Variants in STAT3 observed in about 807,000 individuals in gnomAD.
The protein encoded by STAT3 is signal transducer and activator of transcription 3.
STAT3 carries 7 observed loss-of-function variants against 114.3 expected under a neutral mutation model. The ratio of observed to expected loss-of-function variants is 0.06; its 90% CI spans 0.03 to 0.11. The LOEUF (loss-of-function observed/expected upper bound fraction) is 0.11, where lower values mean the gene tolerates loss of function less well. STAT3 is among the 10% of genes least tolerant of loss of function. The pLI is 1.00. For synonymous variants in STAT3, 331 were observed against 354.5 expected, an observed-to-expected ratio of 0.93 and a Z score of 0.74; for missense variants, 364 against 960.9, an observed-to-expected ratio of 0.38 and a Z score of 8.21.
intron 1 of STAT3, among the ~76,000 whole-genome samples, chr17:42,382,577 T>C (rs573082614): frequency 6.6e-6 from 1 of 152,212 alleles, no homozygotes; most frequent in South Asian, 2.1e-4. Context: ...TATCCTTGGA[T>C]CCTGCCTGAC....
chr17:42,372,924 G>T (rs2084235545), intron 1 of STAT3, among the ~76,000 whole-genome samples: 1 of 152,100 alleles, frequency 6.6e-6, no homozygotes, highest in South Asian at 2.1e-4. Context: ...TATCGAGTTG[G>T]TTCATTAGTT....
intron 1 of STAT3, among the ~76,000 whole-genome samples, chr17:42,384,134 T>TTA (rs1555581293): frequency 1.4e-4 from 15 of 107,530 alleles, no homozygotes; most frequent in East Asian, 4.5e-4. Context: ...ATTTATTTAT[T>TTA]TTTTTTTTTT....
chr17:42,337,137 G>A lies in STAT3; in HGVS notation c.797+298C>T, dbSNP rs892337569. The stretch of plus-strand genomic sequence containing the variant: ...TGGGACTACAGGTGCGCACCACCAC[G>A]CCCGGCTAATTTTTTTATGTTTTTA... On this transcript the variant is annotated intron_variant, in intron 8 of 23. Transcript: ENST00000264657. This position sits in a 1 kb window ranked among gnomAD's most constrained non-coding sequence, Gnocchi z 4.0. 7.9e-5 allele frequency among the ~76,000 whole-genome samples: 12 copies of A among 151,846 alleles called. No individual in the cohort carries two copies. Among genetic ancestry groups the A allele is most frequent in the African/African-American group, 7.3e-5 (3 of 41,320 alleles).
At chr17:42,336,462 G>A (rs2082232665) in intron 8 of STAT3, among the ~76,000 whole-genome samples, 1 of 152,042 alleles carries the variant, frequency 6.6e-6, no homozygotes, top group Non-Finnish European at 1.5e-5. Flanking sequence ...GCCAGGTGTG[G>A]TGGTGCATGC....
chr17:42,379,678 T>C (rs970417203), intron 1 of STAT3, among the ~76,000 whole-genome samples: 3 of 152,234 alleles, frequency 2.0e-5, no homozygotes, highest in African/African-American at 7.2e-5. Flanking sequence ...CTGCACTTTC[T>C]GGGTCGGGAG....
intron 4 of STAT3, among the ~76,000 whole-genome samples, chr17:42,342,982 T>C (rs1450433175): frequency 7.0e-5 from 10 of 143,822 alleles, no homozygotes; most frequent in Admixed American, 5.7e-4. Context: ...CTGGGAAACA[T>C]GGCAAGAGCC....
At chr17:42,376,800 C>T (rs1000248268) in intron 1 of STAT3, among the ~76,000 whole-genome samples, 7 of 151,802 alleles carry the variant, frequency 4.6e-5, no homozygotes, top group African/African-American at 9.7e-5. Flanking sequence ...GGGCCCAGAT[C>T]GCACCACTGC....
At chr17:42,328,439 ACT>A (rs2081838217) in intron 14 of STAT3, among the ~76,000 whole-genome samples, 1 of 152,062 alleles carries the variant, frequency 6.6e-6, no homozygotes, top group African/African-American at 2.4e-5. Flanking sequence ...ACAGAGTTTC[ACT>A]CTGTTGCCCA....
chr17:42,356,913 G>C (rs2083256382), intron 1 of STAT3, among the ~76,000 whole-genome samples: 2 of 152,064 alleles, frequency 1.3e-5, no homozygotes, highest in African/African-American at 4.8e-5. Context: ...TCAGCCTCTG[G>C]AGTAGCTGGG....
At chr17:42,361,305 A>G (rs2145161361) in intron 1 of STAT3, among the ~76,000 whole-genome samples, 1 of 152,202 alleles carries the variant, frequency 6.6e-6, no homozygotes, top group Non-Finnish European at 1.5e-5. Flanking sequence ...ACACTGTGAA[A>G]GCCCACCTCT....
At chr17:42,371,537 G>C (rs188926829) in intron 1 of STAT3, among the ~76,000 whole-genome samples, 3 of 151,148 alleles carry the variant, frequency 2.0e-5, no homozygotes, top group Non-Finnish European at 4.4e-5. Flanking sequence ...TTAGCCAGGC[G>C]TAGTGGCGGG....
chr17:42,356,366 G>C (rs570004276), intron 1 of STAT3, among the ~76,000 whole-genome samples: 144 of 152,080 alleles, frequency 9.5e-4, no homozygotes, highest in Non-Finnish European at 1.4e-3. Context: ...GAGGGGGGAG[G>C]ATCACTTGAG....
chr17:42,321,456 G>T (rs1358244161), intron 21 of STAT3, among the ~76,000 whole-genome samples: 1 of 151,928 alleles, frequency 6.6e-6, no homozygotes, highest in Admixed American at 6.6e-5. Context: ...ATAAGTACAT[G>T]TCCTCTTACA....
rs1375387802 is a variant in STAT3 at position 42,337,935 on chromosome 17, A to T, written c.551-78T>A. 1.1e-6 allele frequency: 1 copy of T among 876,372 alleles called. No homozygotes were observed. The allele number at this position is 876,372 out of a possible 1,614,324, so 54.3% of individuals were successfully genotyped here. A position where few individuals can be genotyped will look rare whatever the true frequency, so the allele number is the denominator to read the frequency against. The stretch of plus-strand genomic sequence containing the variant: ...GGAATACTCCTTGACCTGAGGGAAT[A>T]CTCCTGGACCTGAGGGAATACTCCT... On this transcript the variant is annotated intron_variant, in intron 6 of 23. Coordinates refer to ENST00000264657, the MANE Select transcript of STAT3 (RefSeq NM_139276.3). This position sits in a 1 kb window ranked among gnomAD's most constrained non-coding sequence, Gnocchi z 4.0.
chr17:42,328,160 A>G (rs538974017), intron 14 of STAT3, among the ~76,000 whole-genome samples: 1 of 152,296 alleles, frequency 6.6e-6, no homozygotes, highest in East Asian at 1.9e-4. Context: ...ATAGCCATGG[A>G]TACCAACAGC....
chr17:42,364,223 C>A (rs936754470), intron 1 of STAT3, among the ~76,000 whole-genome samples: 1 of 152,168 alleles, frequency 6.6e-6, no homozygotes, highest in Non-Finnish European at 1.5e-5. Flanking sequence ...CCTGAAAGAT[C>A]AGCCTATATA....
rs1374680231 is a variant in STAT3, at chr17:42,329,308, G to T, written c.1281+102C>A. 4 of 1,544,896 alleles carry T rather than the reference G, an allele frequency of 2.6e-6. No individual in the cohort carries two copies. The African/African-American group carries it at 4.1e-5, about 16-fold the overall frequency. Reference sequence around the variant, plus strand: ...CTTTTTGGAATAACTACAGCTGAAAGAACAGGTTGATGTTTCTAATTCTGG... The same window carrying T: ...CTTTTTGGAATAACTACAGCTGAAATAACAGGTTGATGTTTCTAATTCTGG... On this transcript the variant is annotated intron_variant, in intron 14 of 23. Coordinates refer to ENST00000264657, the MANE Select transcript of STAT3 (RefSeq NM_139276.3).
rs1330714659 is a variant in STAT3 at position 42,324,754 on chromosome 17, T to C, written c.1557A>G (p.Gly519=). 1 of 1,614,108 alleles carries C rather than the reference T, an allele frequency of 6.2e-7. No homozygotes were observed. The highest frequency in any genetic ancestry group is 1.1e-5 in the South Asian group (1 of 91,076). ...GTGTAGTCAGCTGCTCGATGCTCAG[T>C]CCTCGCTTGGTGGTGGAGGAGAACT... is the stretch of plus-strand genomic sequence containing the variant. ...SWQFSSTTKR[G]LSIEQLTTLA... The change falls in exon 17 of 24, where the codon GGA becomes GGG. Residue 519 remains glycine (G), a synonymous_variant. Transcript: ENST00000264657. The surrounding 1 kb of genome is among the most constrained non-coding windows in gnomAD (Gnocchi z 4.5).
intron 21 of STAT3, among the ~76,000 whole-genome samples, chr17:42,320,890 C>T (rs1442165500): frequency 1.3e-5 from 2 of 151,998 alleles, no homozygotes; most frequent in Non-Finnish European, 2.9e-5. Context: ...CTACCCCCTC[C>T]ACACTGAGGA....
Sources: allele counts gnomAD v4.1 joint callset (sites outside exome capture counted in the v4.1 genomes callset), GRCh38; gene constraint gnomAD v4.1.1; non-coding constraint Gnocchi (gnomAD v3.1); transcripts MANE v1.5; gene names NCBI Gene and HGNC (gene_info 2026-07-23, HGNC 2026-07-21).